Variants in CRABP1 observed in about 807,000 individuals in gnomAD.
The protein encoded by CRABP1 is cellular retinoic acid binding protein 1, also known as cellular retinoic acid-binding protein 1.
CRABP1 carries 9 observed loss-of-function variants against 16.4 expected under a neutral mutation model. The ratio of observed to expected loss-of-function variants is 0.55; its 90% CI spans 0.33 to 0.96. The LOEUF (loss-of-function observed/expected upper bound fraction) is 0.96. CRABP1 is among the 40% of genes least tolerant of loss of function. The pLI is 0.03. For synonymous variants in CRABP1, 72 were observed against 70.4 expected, an observed-to-expected ratio of 1.02 and a Z score of -0.11; for missense variants, 157 against 186.0, an observed-to-expected ratio of 0.84 and a Z score of 0.91.
intron 3 of CRABP1, among the ~76,000 whole-genome samples, chr15:78,344,077 G>T (rs2050251179): frequency 6.6e-6 from 1 of 152,130 alleles, no homozygotes; most frequent in South Asian, 2.1e-4. Flanking sequence ...GCTGTGATTT[G>T]CAAACTCCAA....
chr15:78,342,295 A>G (rs1391314975), intron 2 of CRABP1, among the ~76,000 whole-genome samples: 1 of 152,100 alleles, frequency 6.6e-6, no homozygotes, highest in East Asian at 1.9e-4. Flanking sequence ...CTGGGAGTCT[A>G]AGAGAGGAGG....
chr15:78,340,537 C>A (rs1003347022), intron 1 of CRABP1, 39 bp downstream of exon 1: 1 of 1,590,014 alleles, frequency 6.3e-7, no homozygotes. Context: ...CGGGGAGATG[C>A]GGCCCGGAGG....
Position 78,341,362 on chromosome 15 carries a change from G to A in CRABP1, c.249+141G>A. On this transcript the variant is annotated intron_variant, in intron 2 of 3. Coordinates refer to ENST00000299529, the MANE Select transcript of CRABP1 (RefSeq NM_004378.3). This position sits in a 1 kb window ranked among gnomAD's most constrained non-coding sequence, Gnocchi z 5.3. Reference sequence around the variant, plus strand: ...GTGTGTACACTGGCTGTTTGCAGAGGGGGTTTGTGCATCCTAGTTGCCCCT... The same window carrying A: ...GTGTGTACACTGGCTGTTTGCAGAGAGGGTTTGTGCATCCTAGTTGCCCCT... 3.2e-6 allele frequency: 3 copies of A among 941,452 alleles called. No individual in the cohort carries two copies. 58.3% of individuals were successfully genotyped at this position (941,452 alleles called of 1,614,324 possible). A position where few individuals can be genotyped will look rare whatever the true frequency, so the allele number is the denominator to read the frequency against.
Position 78,348,039 on chromosome 15 carries a change from A to G in CRABP1, c.*62A>G. 2.7e-5 allele frequency: 41 copies of G among 1,516,386 alleles called. 1 individual carries two copies. The South Asian group carries it at 4.6e-4, about 17-fold the overall frequency. 93.9% of individuals were successfully genotyped at this position (1,516,386 alleles called of 1,614,324 possible). ...CAGGCTCCCCTGAGGAATATGTCATAGTTCTGAGCTGCCAGTGGACCGCCC... is the reference window on the plus strand; with the variant it reads ...CAGGCTCCCCTGAGGAATATGTCATGGTTCTGAGCTGCCAGTGGACCGCCC... On this transcript the variant is annotated 3_prime_UTR_variant, in exon 4 of 4. Coordinates refer to ENST00000299529, the MANE Select transcript of CRABP1 (RefSeq NM_004378.3).
chr15:78,340,745 T>A, intron 1 of CRABP1: 1 of 599,570 alleles, frequency 1.7e-6, no homozygotes, highest in Non-Finnish European at 2.9e-6. Context: ...GTGCGGACTT[T>A]ATCTCGTGCT....
At chr15:78,347,106 T>C (rs2050270629) in intron 3 of CRABP1, among the ~76,000 whole-genome samples, 1 of 152,078 alleles carries the variant, frequency 6.6e-6, no homozygotes. Flanking sequence ...TGAGACAGTT[T>C]ACTTGTGGGC....
intron 3 of CRABP1, among the ~76,000 whole-genome samples, chr15:78,346,095 G>A (rs1277381742): frequency 2.0e-5 from 3 of 152,210 alleles, no homozygotes; most frequent in African/African-American, 7.2e-5. Flanking sequence ...GGGGAGAGCT[G>A]TCAGCTAGTG....
chr15:78,340,549 G>A, intron 1 of CRABP1, 51 bp downstream of exon 1: 2 of 1,578,576 alleles, frequency 1.3e-6, no homozygotes, highest in Non-Finnish European at 1.7e-6. Flanking sequence ...GCCCGGAGGT[G>A]CCCTGGTCCC....
In CRABP1 at chr15:78,341,668, C is replaced by A. The variant is rs1454208030; in HGVS notation, c.249+447C>A. The A allele has an allele frequency of 1.0e-5, 3 of 288,676 alleles. No homozygotes were observed. The highest frequency in any genetic ancestry group is 2.0e-5 in the Non-Finnish European group (3 of 146,466). 17.9% of individuals were successfully genotyped at this position (288,676 alleles called of 1,614,324 possible). On this transcript the variant is annotated intron_variant, in intron 2 of 3. Coordinates refer to ENST00000299529, the MANE Select transcript of CRABP1 (RefSeq NM_004378.3). The surrounding 1 kb of genome is among the most constrained non-coding windows in gnomAD (Gnocchi z 5.3). ...GGTCCCTGGGCCGCCTGGGTACGCT[C>A]TGGATACAGTTTTAGCAGTCCCGAT... is the stretch of plus-strand genomic sequence containing the variant.
rs755043070 is a variant in CRABP1, at chr15:78,341,298, T to A, written c.249+77T>A. 3.3e-6 allele frequency: 5 copies of A among 1,508,774 alleles called. No individual in the cohort carries two copies. The Admixed American group carries it at 9.6e-5, about 29-fold the overall frequency. The allele number at this position is 1,508,774 out of a possible 1,614,324, so 93.5% of individuals were successfully genotyped here. ...GGCCCACTGCTGCTGGAGGAACCTG[T>A]GTCTCCCTTTGCAGCCTGTGGCGCG... On this transcript the variant is annotated intron_variant, in intron 2 of 3. Coordinates refer to ENST00000299529, the MANE Select transcript of CRABP1 (RefSeq NM_004378.3). The surrounding 1 kb of genome is among the most constrained non-coding windows in gnomAD (Gnocchi z 5.3).
rs184744053 is a variant in CRABP1 at position 78,346,999 on chromosome 15, T to G, written c.364-928T>G. ...TTTCTTGGTTTTTGTTTTTGTTTTT[T>G]TTTTTTTTAACATACATATTGCTTT... On this transcript the variant is annotated intron_variant, in intron 3 of 3. Coordinates refer to ENST00000299529, the MANE Select transcript of CRABP1 (RefSeq NM_004378.3). Among the ~76,000 whole-genome samples the G allele has an allele frequency of 1.6e-3, 230 of 144,592 alleles. 2 individuals carry two copies. The East Asian group carries it at 0.023, about 15-fold the overall frequency. 94.9% of individuals were successfully genotyped at this position (144,592 alleles called of 152,430 possible).
chr15:78,347,613 G>A (rs540496173), intron 3 of CRABP1, among the ~76,000 whole-genome samples: 4 of 152,300 alleles, frequency 2.6e-5, no homozygotes, highest in African/African-American at 9.6e-5. Flanking sequence ...AATGTCCATT[G>A]TGACATTCTT....
In CRABP1 at chr15:78,341,894, G is replaced by T. The variant is rs949813415; in HGVS notation, c.249+673G>T. ...GATTGAAGCAAGGGGTTGTACATTCGTTTTTTGCATGGGCAAAAATTGCAT... is the reference window on the plus strand; with the variant it reads ...GATTGAAGCAAGGGGTTGTACATTCTTTTTTTGCATGGGCAAAAATTGCAT... On this transcript the variant is annotated intron_variant, in intron 2 of 3. Coordinates refer to ENST00000299529, the MANE Select transcript of CRABP1 (RefSeq NM_004378.3). This position sits in a 1 kb window ranked among gnomAD's most constrained non-coding sequence, Gnocchi z 5.3. 3 of 152,226 alleles carry T rather than the reference G, an allele frequency of 2.0e-5. No individual in the cohort carries two copies. Among genetic ancestry groups the T allele is most frequent in the African/African-American group, 4.8e-5 (2 of 41,394 alleles). The allele number at this position is 152,226 out of a possible 1,614,324, so 9.4% of individuals were successfully genotyped here. A position where few individuals can be genotyped will look rare whatever the true frequency, so the allele number is the denominator to read the frequency against.
At chr15:78,342,685 C>T (rs1040815296) in intron 2 of CRABP1, among the ~76,000 whole-genome samples, 3 of 152,068 alleles carry the variant, frequency 2.0e-5, no homozygotes, top group African/African-American at 7.2e-5. Context: ...GCATTTTAAC[C>T]CTCAGAGCCA....
intron 2 of CRABP1, among the ~76,000 whole-genome samples, chr15:78,342,210 A>G (rs1027562382): frequency 9.2e-5 from 14 of 152,008 alleles, no homozygotes; most frequent in African/African-American, 3.4e-4. Flanking sequence ...AATGATCTCC[A>G]CGCTTGGAGG....
chr15:78,347,938 C>T lies in CRABP1; in HGVS notation c.375C>T (p.Ala125=), dbSNP rs369611524. Reference sequence around the variant, plus strand: ...CTTCTTCTCTGCAGACGTTTGGCGCCGATGACGTGGTCTGCACCAGAATTT... The same window carrying T: ...CTTCTTCTCTGCAGACGTTTGGCGCTGATGACGTGGTCTGCACCAGAATTT... The part of the protein sequence containing the change: ...ANDELILTFG[A]DDVVCTRIYV... The change falls in exon 4 of 4, where the codon GCC becomes GCT. Residue 125 remains alanine, a synonymous_variant. Coordinates refer to ENST00000299529, the MANE Select transcript of CRABP1 (RefSeq NM_004378.3). 9 of 1,613,970 alleles carry T rather than the reference C, an allele frequency of 5.6e-6. No homozygotes were observed. The highest frequency in any genetic ancestry group is 1.3e-5 in the African/African-American group (1 of 74,910).
chr15:78,342,409 C>T (rs900616563), intron 2 of CRABP1, among the ~76,000 whole-genome samples: 3 of 152,126 alleles, frequency 2.0e-5, no homozygotes, highest in Admixed American at 1.3e-4. Flanking sequence ...ACACAACAGC[C>T]GGGAGAGTGG....
Position 78,340,415 on chromosome 15 carries a change from C to T in CRABP1, c.-14C>T, listed in dbSNP as rs758833020. The T allele has an allele frequency of 4.4e-6, 7 of 1,584,106 alleles. No individual in the cohort carries two copies. Among genetic ancestry groups the T allele is most frequent in the Non-Finnish European group, 6.0e-6 (7 of 1,167,026 alleles). ...CCGCCGCTGTCCGTACCTGCCGCCG[C>T]CGCCACCGCCACCATGCCCAACTTC... On this transcript the variant is annotated 5_prime_UTR_variant, in exon 1 of 4. Transcript: ENST00000299529.
chr15:78,346,717 C>T (rs892068571), intron 3 of CRABP1, among the ~76,000 whole-genome samples: 2 of 152,174 alleles, frequency 1.3e-5, no homozygotes, highest in African/African-American at 4.8e-5. Flanking sequence ...TCACTAAGGA[C>T]TTGAACTATT....
Sources: allele counts gnomAD v4.1 joint callset (sites outside exome capture counted in the v4.1 genomes callset), GRCh38; gene constraint gnomAD v4.1.1; non-coding constraint Gnocchi (gnomAD v3.1); transcripts MANE v1.5; gene names NCBI Gene and HGNC (gene_info 2026-07-23, HGNC 2026-07-21).